SLC4A4: variants seen among roughly 807,000 people sequenced by gnomAD.
SLC4A4 encodes electrogenic sodium bicarbonate cotransporter 1.
A neutral mutation model predicts 111.5 loss-of-function variants in SLC4A4; 27 were observed. The ratio of observed to expected loss-of-function variants is 0.24; its 90% CI spans 0.18 to 0.33. The LOEUF (loss-of-function observed/expected upper bound fraction) is 0.33. SLC4A4 is among the 10% of genes least tolerant of loss of function. The probability of loss-of-function intolerance (pLI) is 1.00; values close to 1 mark genes in which losing one functional copy is unlikely to be tolerated. For missense variants in SLC4A4, 909 were observed against 1,315.5 expected (o/e 0.69, Z 4.78); for synonymous variants, 443 against 463.4 (o/e 0.96, Z 0.57).
chr4:71,395,767 A>G (rs1719766640), intron 6 of SLC4A4, among the ~76,000 whole-genome samples: 1 of 152,202 alleles, frequency 6.6e-6, no homozygotes. Context: ...TACTTAATGG[A>G]AAACTGCTTT....
intron 18 of SLC4A4, among the ~76,000 whole-genome samples, chr4:71,539,078 C>G (rs1382057096): frequency 4.6e-5 from 7 of 152,050 alleles, no homozygotes; most frequent in African/African-American, 1.2e-4. Context: ...CCAATTTGCT[C>G]TGATATCTTT....
At chr4:71,404,121 A>G (rs1025709408) in intron 7 of SLC4A4, among the ~76,000 whole-genome samples, 3 of 152,214 alleles carry the variant, frequency 2.0e-5, no homozygotes, top group Admixed American at 2.0e-4. Context: ...TTAATGCACT[A>G]GAAGTGGGTG....
Position 71,569,812 on chromosome 4 carries a change from C to T in SLC4A4, c.*2061C>T, listed in dbSNP as rs2149264103. The T allele has an allele frequency of 6.6e-6, 1 of 151,724 alleles. No homozygotes were observed. Among genetic ancestry groups the T allele is most frequent in the South Asian group, 2.1e-4 (1 of 4,826 alleles). 9.4% of individuals were successfully genotyped at this position (151,724 alleles called of 1,614,324 possible). On this transcript the variant is annotated 3_prime_UTR_variant, in exon 26 of 26. Transcript: ENST00000264485. ...GAGTTAGCTGTTACTTTTACAGTAC[C>T]TGATACTCCTAAAACTTTTAACTTA...
chr4:71,161,265 T>C (rs1373496969), intron 2 of SLC4A4, among the ~76,000 whole-genome samples: 1 of 152,258 alleles, frequency 6.6e-6, no homozygotes, highest in East Asian at 1.9e-4. Flanking sequence ...TACAGTGTTA[T>C]GGAGTCAGAA....
intron 14 of SLC4A4, among the ~76,000 whole-genome samples, chr4:71,476,580 T>C (rs2149114173): frequency 6.6e-6 from 1 of 151,866 alleles, no homozygotes; most frequent in East Asian, 2.0e-4. Flanking sequence ...CACAATATAT[T>C]GTGGCTTTTT....
chr4:71,212,449 G>T (rs1718191146), intron 1 of SLC4A4, among the ~76,000 whole-genome samples: 3 of 152,208 alleles, frequency 2.0e-5, no homozygotes, highest in African/African-American at 7.2e-5. Flanking sequence ...GGTTGCCCTT[G>T]CTGGGAGCAG....
rs1719923646 is a variant in SLC4A4 at position 71,397,438 on chromosome 4, T to G, written c.731-139T>G. 2.6e-5 allele frequency: 20 copies of G among 784,288 alleles called. No homozygotes were observed. The South Asian group carries it at 2.9e-4, about 12-fold the overall frequency. 48.6% of individuals were successfully genotyped at this position (784,288 alleles called of 1,614,324 possible). A position where few individuals can be genotyped will look rare whatever the true frequency, so the allele number is the denominator to read the frequency against. ...TACTCCAACCTGGACTCTGGAAAACTCTTCAGAAGAATCCTAGTGTGGTTA... is the reference window on the plus strand; with the variant it reads ...TACTCCAACCTGGACTCTGGAAAACGCTTCAGAAGAATCCTAGTGTGGTTA... On this transcript the variant is annotated intron_variant, in intron 6 of 25. Coordinates refer to ENST00000264485, the MANE Select transcript of SLC4A4 (RefSeq NM_001098484.3).
intron 6 of SLC4A4, among the ~76,000 whole-genome samples, chr4:71,395,166 C>T (rs896629723): frequency 2.2e-4 from 33 of 152,050 alleles, no homozygotes; most frequent in Non-Finnish European, 4.4e-5. Context: ...GGTCTGGAGA[C>T]CTCACTGTAG....
chr4:71,277,430 C>A (rs1399836953), intron 3 of SLC4A4, among the ~76,000 whole-genome samples: 1 of 151,880 alleles, frequency 6.6e-6, no homozygotes, highest in Non-Finnish European at 1.5e-5. Flanking sequence ...ATCTGTGTAT[C>A]CTCTTTGGTG....
intron 2 of SLC4A4, among the ~76,000 whole-genome samples, chr4:71,175,338 A>C (rs1483733123): frequency 6.6e-6 from 1 of 152,206 alleles, no homozygotes. Flanking sequence ...ATTGTTGGAC[A>C]GTGGGTGCAG....
chr4:71,215,367 G>T (rs1718367389), intron 1 of SLC4A4, among the ~76,000 whole-genome samples: 1 of 152,198 alleles, frequency 6.6e-6, no homozygotes, highest in Non-Finnish European at 1.5e-5. Context: ...TGTCATAATA[G>T]CACTCATTTC....
chr4:71,279,454 G>T (rs969335700), intron 3 of SLC4A4, among the ~76,000 whole-genome samples: 1 of 151,810 alleles, frequency 6.6e-6, no homozygotes, highest in Non-Finnish European at 1.5e-5. Flanking sequence ...TATTCCATTG[G>T]ATATTATATA....
rs1469179202 is a variant in SLC4A4 at position 71,397,647 on chromosome 4, G to C, written c.801G>C (p.Lys267Asn). 1 of 1,613,866 alleles carries C rather than the reference G, an allele frequency of 6.2e-7. No homozygotes were observed. Among genetic ancestry groups the C allele is most frequent in the Non-Finnish European group, 8.5e-7 (1 of 1,179,806 alleles). ...SLNDISDKPE[K>N]DQLKNKFMKK... Reference sequence around the variant, plus strand: ...ATGACATTTCTGATAAACCGGAGAAGGACCAGGTAAGCAAAAAATTCTTGC... The same window carrying C: ...ATGACATTTCTGATAAACCGGAGAACGACCAGGTAAGCAAAAAATTCTTGC... Residue 267 changes from lysine to asparagine, a missense_variant, in exon 7 of 26, where the codon AAG (lysine) becomes AAC (asparagine). By Grantham distance (94) the Lys-to-Asn change is moderately conservative. Coordinates refer to ENST00000264485, the MANE Select transcript of SLC4A4 (RefSeq NM_001098484.3).
intron 3 of SLC4A4, among the ~76,000 whole-genome samples, chr4:71,272,721 A>G (rs1722784102): frequency 6.6e-6 from 1 of 152,254 alleles, no homozygotes. Context: ...TATGACTTTG[A>G]CATGAAAAGT....
chr4:71,353,132 G>A (rs1469287076), intron 5 of SLC4A4, among the ~76,000 whole-genome samples: 2 of 152,146 alleles, frequency 1.3e-5, no homozygotes, highest in Non-Finnish European at 2.9e-5. Context: ...TATAAGAGAG[G>A]TTAGCCAAGC....
At chr4:71,317,075 CGTGTGTGTGT>C (rs3039073) in intron 3 of SLC4A4, among the ~76,000 whole-genome samples, 9 of 147,604 alleles carry the variant, frequency 6.1e-5, no homozygotes, top group Non-Finnish European at 9.0e-5. Context: ...TGTGTGTGTG[CGTGTGTGTGT>C]GTGTGTGTGT....
rs1348786099 is a variant in SLC4A4, at chr4:71,236,659, A to G, written c.73+10A>G. 1.2e-6 allele frequency: 2 copies of G among 1,611,194 alleles called. No individual in the cohort carries two copies. The highest frequency in any genetic ancestry group is 1.1e-5 in the South Asian group (1 of 90,990). On this transcript the variant is annotated intron_variant, in intron 2 of 25. Coordinates refer to ENST00000264485, the MANE Select transcript of SLC4A4 (RefSeq NM_001098484.3). The stretch of plus-strand genomic sequence containing the variant: ...GAAGAAGAAGTAGAAGGTGAGCTTT[A>G]TGGGTCTGGGAAAGTGTCTGTTGAC...
chr4:71,092,439 A>C (rs1302893802), intron 1 of SLC4A4, among the ~76,000 whole-genome samples: 1 of 152,194 alleles, frequency 6.6e-6, no homozygotes, highest in Non-Finnish European at 1.5e-5. Flanking sequence ...TTAGTAGATA[A>C]ATTTATAGAA....
intron 1 of SLC4A4, among the ~76,000 whole-genome samples, chr4:71,091,532 C>T (rs899046019): frequency 4.6e-5 from 7 of 152,000 alleles, no homozygotes; most frequent in African/African-American, 1.2e-4. Flanking sequence ...GGATTACAGG[C>T]GTGAGCCACT....
Sources: gnomAD v4.1 joint callset for allele counts (sites outside exome capture counted in the v4.1 genomes callset) on GRCh38, gnomAD v4.1.1 for gene constraint, MANE v1.5 for transcripts, NCBI Gene and HGNC (gene_info 2026-07-23, HGNC 2026-07-21) for gene names.